Variants in ZNF451 observed in about 807,000 individuals in gnomAD.
ZNF451 encodes zinc finger protein 451, also known as E3 SUMO-protein ligase ZNF451.
In ZNF451, 80 loss-of-function variants were observed where a neutral mutation model predicts 107.1. That is an observed-to-expected ratio of 0.75 (90% CI 0.62 to 0.90). The LOEUF (loss-of-function observed/expected upper bound fraction) is 0.90, where lower values mean the gene tolerates loss of function less well. ZNF451 is among the 40% of genes least tolerant of loss of function. The pLI is 0.00. For synonymous variants in ZNF451, 362 were observed against 406.5 expected (o/e 0.89, Z 1.32); for missense variants, 1,107 against 1,236.2 (o/e 0.90, Z 1.57).
chr6:57,133,072 C>CT lies in ZNF451; in HGVS notation c.455_456insT (p.Ser154LysfsTer24). On this transcript the variant is annotated frameshift_variant, in exon 6 of 15. Coordinates refer to ENST00000370706, the MANE Select transcript of ZNF451 (RefSeq NM_001031623.3). LOFTEE classifies it high-confidence loss of function. ...AAAACAGGCACAATTAATTGTGGAACAAAAAGTTCATTCCGAAGAGGAGGC... is the reference window on the plus strand; with the variant it reads ...AAAACAGGCACAATTAATTGTGGAACTAAAAAGTTCATTCCGAAGAGGAGGC... The CT allele has an allele frequency of 6.2e-7, 1 of 1,614,044 alleles. No individual in the cohort carries two copies. The highest frequency in any genetic ancestry group is 8.5e-7 in the Non-Finnish European group (1 of 1,179,964).
intron 3 of ZNF451, chr6:57,106,125 A>T (rs1829841483): frequency 1.0e-6 from 1 of 985,368 alleles, no homozygotes; most frequent in Non-Finnish European, 1.2e-6. Context: ...GGTACTGTAA[A>T]CAAGGAGGTT....
At chr6:57,107,001 T>G (rs527772594) in intron 3 of ZNF451, 2 of 931,464 alleles carry the variant, frequency 2.1e-6, no homozygotes, top group African/African-American at 1.8e-5. Context: ...AAATCTTCTC[T>G]TATTAGTGGA....
chr6:57,102,554 A>G, intron 3 of ZNF451: 2 of 987,882 alleles, frequency 2.0e-6, no homozygotes, highest in Non-Finnish European at 2.4e-6. Context: ...TTCCTTGTTC[A>G]GGCTTCAGTT....
At chr6:57,108,674 G>A in intron 3 of ZNF451, 1 of 985,406 alleles carries the variant, frequency 1.0e-6, no homozygotes, top group Non-Finnish European at 1.2e-6. Flanking sequence ...GCTTGGAACA[G>A]CTTCTATATA....
At chr6:57,168,282 A>C in intron 14 of ZNF451, 141 bp from the exon 15 acceptor site, 3 of 560,002 alleles carry the variant, frequency 5.4e-6, no homozygotes, top group Non-Finnish European at 9.2e-6. Context: ...TTTAGTAGAG[A>C]AACTGCCAAG....
chr6:57,102,822 A>C (rs1038965003), intron 3 of ZNF451: 24 of 985,460 alleles, frequency 2.4e-5, no homozygotes, highest in Middle Eastern at 5.2e-4. Flanking sequence ...ATTGCACAGT[A>C]ACTATCTTCA....
intron 3 of ZNF451, among the ~76,000 whole-genome samples, chr6:57,123,177 TAATA>T (rs1448452295): frequency 6.6e-6 from 1 of 152,022 alleles, no homozygotes; most frequent in Non-Finnish European, 1.5e-5. Context: ...CAAAAATAAA[TAATA>T]AATCATTTCA....
At chr6:57,120,164 CATACAGTATGCAGCCT>C (rs1830571618) in intron 3 of ZNF451, among the ~76,000 whole-genome samples, 1 of 152,178 alleles carries the variant, frequency 6.6e-6, no homozygotes, top group South Asian at 2.1e-4. Flanking sequence ...GATATGTGGC[CATACAGTATGCAGCCT>C]TTTCAGATTG....
intron 5 of ZNF451, among the ~76,000 whole-genome samples, chr6:57,130,545 A>C (rs1831135228): frequency 6.6e-6 from 1 of 152,166 alleles, no homozygotes; most frequent in Non-Finnish European, 1.5e-5. Flanking sequence ...CTAGAACTAG[A>C]AGACTTTATC....
In ZNF451 at chr6:57,168,756, G is replaced by T; in HGVS notation, c.*287G>T. ...TTGAATTTATATATTTAGATTTAAA[G>T]GATTAAAAAAAAGGAAAGCTCTTGA... On this transcript the variant is annotated 3_prime_UTR_variant, in exon 15 of 15. Coordinates refer to ENST00000370706, the MANE Select transcript of ZNF451 (RefSeq NM_001031623.3). The T allele has an allele frequency of 7.2e-6, 2 of 276,370 alleles. No homozygotes were observed. The highest frequency in any genetic ancestry group is 5.4e-5 in the Admixed American group (1 of 18,642). The allele number at this position is 276,370 out of a possible 1,614,324, so 17.1% of individuals were successfully genotyped here. A position where few individuals can be genotyped will look rare whatever the true frequency, so the allele number is the denominator to read the frequency against.
chr6:57,120,969 A>G (rs1050999017), intron 3 of ZNF451, among the ~76,000 whole-genome samples: 4 of 152,114 alleles, frequency 2.6e-5, no homozygotes, highest in Non-Finnish European at 5.9e-5. Flanking sequence ...GCACAAGGTC[A>G]TTTAGATTTT....
chr6:57,109,669 CA>C (rs967365101), intron 3 of ZNF451: 1 of 983,390 alleles, frequency 1.0e-6, no homozygotes, highest in African/African-American at 1.7e-5. Flanking sequence ...GGCTGTCTTA[CA>C]AGCCTAACAG....
chr6:57,107,556 A>T (rs1593092379), intron 3 of ZNF451: 1 of 984,682 alleles, frequency 1.0e-6, no homozygotes, highest in East Asian at 1.1e-4. Context: ...TATGTATCTT[A>T]TAAAAATTTT....
chr6:57,138,733 A>ATGTGTGTGTGTGTGTG (rs1424146625), intron 7 of ZNF451, among the ~76,000 whole-genome samples: 2 of 111,084 alleles, frequency 1.8e-5, no homozygotes, highest in Non-Finnish European at 3.6e-5. Context: ...ATATATATAT[A>ATGTGTGTGTGTGTGTG]TATATATATG....
intron 3 of ZNF451, chr6:57,105,865 C>T: frequency 8.1e-6 from 8 of 984,150 alleles, no homozygotes; most frequent in Non-Finnish European, 9.7e-6. Flanking sequence ...ATGACAGCTT[C>T]CTTATCAGTA....
intron 7 of ZNF451, 27 bp from the exon 8 acceptor site, chr6:57,141,274 CA>C: frequency 6.6e-7 from 1 of 1,526,446 alleles, no homozygotes; most frequent in South Asian, 1.3e-5. Flanking sequence ...TTTAGTTTTC[CA>C]TAATACAGCT....
intron 5 of ZNF451, 121 bp downstream of exon 5, chr6:57,128,961 C>T (rs1183970438): frequency 1.6e-5 from 10 of 626,280 alleles, no homozygotes; most frequent in Non-Finnish European, 2.1e-5. Context: ...TTCAGTGATA[C>T]TAATATCACC....
At chr6:57,118,189 A>G (rs547141649) in intron 3 of ZNF451, among the ~76,000 whole-genome samples, 30 of 151,374 alleles carry the variant, frequency 2.0e-4, no homozygotes, top group Non-Finnish European at 3.2e-4. Flanking sequence ...CCTTCTCTCA[A>G]CCTTTAGGAG....
At chr6:57,135,574 T>C (rs1302966886) in intron 7 of ZNF451, among the ~76,000 whole-genome samples, 1 of 152,070 alleles carries the variant, frequency 6.6e-6, no homozygotes, top group African/African-American at 2.4e-5. Context: ...TGTTTTTACA[T>C]AAGATAAGAT....
Sources: gnomAD v4.1 joint callset for allele counts (sites outside exome capture counted in the v4.1 genomes callset) on GRCh38, gnomAD v4.1.1 for gene constraint, MANE v1.5 for transcripts, NCBI Gene and HGNC (gene_info 2026-07-23, HGNC 2026-07-21) for gene names.